Variants in SLIT3 observed in about 807,000 individuals in gnomAD.
The protein encoded by SLIT3 is slit homolog 3 protein.
In SLIT3, 68 loss-of-function variants were observed where a neutral mutation model predicts 184.0. The ratio of observed to expected loss-of-function variants is 0.37; its 90% CI spans 0.30 to 0.45. The LOEUF (loss-of-function observed/expected upper bound fraction) is 0.45. Among genes scored for constraint, SLIT3 ranks in the 20% least tolerant of loss-of-function variants. The pLI is 1.00. For synonymous variants in SLIT3, 831 were observed against 828.6 expected, an observed-to-expected ratio of 1.00 and a Z score of -0.05; for missense variants, 1,707 against 2,026.0, an observed-to-expected ratio of 0.84 and a Z score of 3.02.
intron 4 of SLIT3, among the ~76,000 whole-genome samples, chr5:168,907,877 T>C (rs1335109922): frequency 6.9e-6 from 1 of 144,138 alleles, no homozygotes; most frequent in Non-Finnish European, 1.5e-5. Context: ...TAGATACATA[T>C]AGATATATGA....
At chr5:168,952,590 CAGAG>C (rs1400421196) in intron 4 of SLIT3, among the ~76,000 whole-genome samples, 11 of 98,724 alleles carry the variant, frequency 1.1e-4, no homozygotes, top group Non-Finnish European at 1.9e-5. Context: ...AAAAAAAAGA[CAGAG>C]AGGGAGAGAA....
chr5:168,833,015 G>T (rs1412738599), intron 6 of SLIT3, among the ~76,000 whole-genome samples: 1 of 152,154 alleles, frequency 6.6e-6, no homozygotes, highest in African/African-American at 2.4e-5. Context: ...CTCCCAAAGG[G>T]CAGCCACCAG....
At chr5:168,877,708 G>A (rs1229516643) in intron 5 of SLIT3, among the ~76,000 whole-genome samples, 1 of 152,172 alleles carries the variant, frequency 6.6e-6, no homozygotes, top group Admixed American at 6.5e-5. Context: ...GCCCAGCTTT[G>A]TTTTCAAAGC....
At chr5:169,194,261 A>G (rs1309986949) in intron 3 of SLIT3, among the ~76,000 whole-genome samples, 1 of 142,800 alleles carries the variant, frequency 7.0e-6, no homozygotes, top group Non-Finnish European at 1.5e-5. Context: ...AAAAAAAAAA[A>G]AGAAGAAAAA....
chr5:169,150,096 C>A (rs1762063908), intron 4 of SLIT3, among the ~76,000 whole-genome samples: 2 of 152,204 alleles, frequency 1.3e-5, no homozygotes, highest in South Asian at 2.1e-4. Context: ...TTTTGATGGG[C>A]AATTGGATAT....
chr5:169,070,360 T>C (rs1758501785), intron 4 of SLIT3, among the ~76,000 whole-genome samples: 1 of 152,146 alleles, frequency 6.6e-6, no homozygotes, highest in Non-Finnish European at 1.5e-5. Context: ...ACTCCAGTTC[T>C]GGCCCAGATG....
intron 3 of SLIT3, among the ~76,000 whole-genome samples, chr5:169,243,673 T>C (rs1765480639): frequency 6.6e-6 from 1 of 152,192 alleles, no homozygotes; most frequent in Admixed American, 6.5e-5. Context: ...CAAAGCTAAC[T>C]AGTCAGGGAC....
intron 16 of SLIT3, among the ~76,000 whole-genome samples, chr5:168,759,648 A>C (rs1755071251): frequency 6.6e-6 from 1 of 152,210 alleles, no homozygotes; most frequent in Admixed American, 6.5e-5. Flanking sequence ...GCTCGACCCC[A>C]GCTGAGAACG....
intron 4 of SLIT3, among the ~76,000 whole-genome samples, chr5:169,068,329 C>G (rs141877112): frequency 4.6e-4 from 70 of 152,246 alleles, no homozygotes; most frequent in African/African-American, 1.7e-3. Flanking sequence ...GTATGAAGAG[C>G]AGTCTGTTGG....
At chr5:169,278,811 G>C (rs1328709691) in intron 1 of SLIT3, among the ~76,000 whole-genome samples, 1 of 152,174 alleles carries the variant, frequency 6.6e-6, no homozygotes, top group Non-Finnish European at 1.5e-5. Context: ...GGAGAGAGCA[G>C]GGCCATCACC....
At chr5:169,144,843 T>C (rs1361197208) in intron 4 of SLIT3, among the ~76,000 whole-genome samples, 2 of 152,142 alleles carry the variant, frequency 1.3e-5, no homozygotes, top group Non-Finnish European at 2.9e-5. Context: ...CAACAGCAGT[T>C]ACGAATTGAG....
At chr5:169,267,870 T>G (rs1766454441) in intron 1 of SLIT3, among the ~76,000 whole-genome samples, 1 of 152,200 alleles carries the variant, frequency 6.6e-6, no homozygotes, top group East Asian at 1.9e-4. Context: ...ACATCTTGGT[T>G]AAGTGTCATT....
intron 6 of SLIT3, among the ~76,000 whole-genome samples, chr5:168,836,049 C>T (rs1231470279): frequency 6.6e-6 from 1 of 152,200 alleles, no homozygotes; most frequent in Non-Finnish European, 1.5e-5. Context: ...CTTGTGTCTC[C>T]ATCACCTTCT....
At chr5:168,857,395 T>TTTG (rs1484134726) in intron 5 of SLIT3, among the ~76,000 whole-genome samples, 5 of 151,992 alleles carry the variant, frequency 3.3e-5, no homozygotes, top group Non-Finnish European at 5.9e-5. Context: ...TTTGTTTTGT[T>TTTG]TTGTTTTGTT....
At position 168,969,995 on chromosome 5, in the gene SLIT3, C is replaced by T. The variant is rs192871835; in HGVS notation, c.414-86659G>A. Among the ~76,000 whole-genome samples, 37 of 152,246 alleles carry T rather than the reference C, an allele frequency of 2.4e-4. No homozygotes were observed. In the East Asian group the frequency reaches 7.2e-3, roughly 29 times the overall value. Reference sequence around the variant, plus strand: ...AGGAGATCGAGACCATCTTGGCTAACACGGTGAAACCCCTTCTCTACTGAA... The same window carrying T: ...AGGAGATCGAGACCATCTTGGCTAATACGGTGAAACCCCTTCTCTACTGAA... On this transcript the variant is annotated intron_variant, in intron 4 of 35. Transcript: ENST00000519560.
chr5:168,886,551 G>C (rs138507895), intron 4 of SLIT3, among the ~76,000 whole-genome samples: 1 of 152,294 alleles, frequency 6.6e-6, no homozygotes, highest in East Asian at 1.9e-4. Flanking sequence ...GGGTTTTAGT[G>C]TCTCCCCTTT....
intron 14 of SLIT3, among the ~76,000 whole-genome samples, chr5:168,766,809 C>T (rs933960170): frequency 1.3e-5 from 2 of 152,182 alleles, no homozygotes; most frequent in Non-Finnish European, 2.9e-5. Flanking sequence ...CTTTGTATGT[C>T]CATGCTGGAG....
intron 25 of SLIT3, chr5:168,710,343 T>C (rs996450681): frequency 1.3e-5 from 2 of 152,242 alleles, no homozygotes; most frequent in Non-Finnish European, 2.9e-5. Context: ...TCCTGTTGCA[T>C]ACAAACTCAG....
At chr5:168,677,480 G>A (rs1023501965) in intron 32 of SLIT3, among the ~76,000 whole-genome samples, 21 of 152,080 alleles carry the variant, frequency 1.4e-4, no homozygotes, top group South Asian at 2.1e-4. Flanking sequence ...ATGGAGTCTC[G>A]CTCTGTTGCC....
Sources: allele counts gnomAD v4.1 joint callset (sites outside exome capture counted in the v4.1 genomes callset), GRCh38; gene constraint gnomAD v4.1.1; transcripts MANE v1.5; gene names NCBI Gene and HGNC (gene_info 2026-07-23, HGNC 2026-07-21).